Variants in DMRTC2 observed in about 807,000 individuals in gnomAD.
DMRTC2 encodes DMRT like family C2, also known as doublesex- and mab-3-related transcription factor C2.
Under a neutral mutation model 39.9 loss-of-function variants are expected in DMRTC2, and 13 were observed. That is an observed-to-expected ratio of 0.33 (90% CI 0.21 to 0.52). The LOEUF (loss-of-function observed/expected upper bound fraction) is 0.52. Ranked by LOEUF, DMRTC2 falls within the 20% of genes least tolerant of loss-of-function variation. The pLI is 0.96. For synonymous variants in DMRTC2, 189 were observed against 185.2 expected (o/e 1.02, Z -0.17); for missense variants, 431 against 472.8 (o/e 0.91, Z 0.82).
chr19:41,849,899 C>A (rs1015569170), intron 6 of DMRTC2, among the ~76,000 whole-genome samples: 1 of 152,086 alleles, frequency 6.6e-6, no homozygotes, highest in African/African-American at 2.4e-5. Context: ...AGTAACTGAG[C>A]GAGACTTCGT....
In DMRTC2 at chr19:41,850,570, G is replaced by A. The variant is rs782595745; in HGVS notation, c.861G>A (p.Glu287=). The change falls in exon 8 of 9, where the codon GAG becomes GAA. Residue 287 remains glutamate (E), a synonymous_variant. Transcript: ENST00000269945. ...SCLARTSGPS[E]WQLQQEAAEA... Reference sequence around the variant, plus strand: ...TGGCCCGGACATCTGGCCCCTCAGAGTGGCAGCTGCAGCAAGAGGCAGCTG... The same window carrying A: ...TGGCCCGGACATCTGGCCCCTCAGAATGGCAGCTGCAGCAAGAGGCAGCTG... 6 of 1,613,516 alleles carry A rather than the reference G, an allele frequency of 3.7e-6. No individual in the cohort carries two copies. The highest frequency in any genetic ancestry group is 3.3e-5 in the Admixed American group (2 of 59,948).
chr19:41,849,122 C>T lies in DMRTC2; in HGVS notation c.629-8C>T, dbSNP rs371867212. ...CCTATACACTCTGCATTCTTTTATT[C>T]TTATTAGGCTTTGACCCTGGCACCT... is the stretch of plus-strand genomic sequence containing the variant. On this transcript the variant is annotated splice_region_variant and splice_polypyrimidine_tract_variant and intron_variant, in intron 5 of 8. Coordinates refer to ENST00000269945, the MANE Select transcript of DMRTC2 (RefSeq NM_001040283.3). 93 of 1,613,950 alleles carry T rather than the reference C, an allele frequency of 5.8e-5. No individual in the cohort carries two copies. The highest frequency in any genetic ancestry group is 6.7e-5 in the African/African-American group (5 of 74,928).
intron 3 of DMRTC2, among the ~76,000 whole-genome samples, chr19:41,848,084 A>T (rs2073893154): frequency 6.6e-6 from 1 of 152,222 alleles, no homozygotes; most frequent in Non-Finnish European, 1.5e-5. Flanking sequence ...ACAGTGGCTC[A>T]CGCCTGTAAT....
intron 2 of DMRTC2, 39 bp from the exon 3 acceptor site, chr19:41,847,697 A>AG (rs782794659): frequency 4.2e-5 from 68 of 1,613,662 alleles, no homozygotes; most frequent in Non-Finnish European, 5.3e-5. Flanking sequence ...CCTCCTCCAA[A>AG]GGGTGGCTGA....
Position 41,850,542 on chromosome 19 carries a change from G to T in DMRTC2, c.833G>T (p.Cys278Phe). The T allele has an allele frequency of 1.9e-6, 3 of 1,612,806 alleles. No homozygotes were observed. The highest frequency in any genetic ancestry group is 2.5e-6 in the Non-Finnish European group (3 of 1,179,440). Residue 278 changes from cysteine to phenylalanine, a missense_variant, in exon 8 of 9, where the codon TGC becomes TTC. By Grantham distance (205) the Cys-to-Phe change is radical. Transcript: ENST00000269945. Reference protein sequence around the residue: ...QLQPQASGASCLARTSGPSEW... With the variant: ...QLQPQASGASFLARTSGPSEW... Reference sequence around the variant, plus strand: ...CCCTTGCAGGCCTCTGGAGCCTCGTGCCTGGCCCGGACATCTGGCCCCTCA... The same window carrying T: ...CCCTTGCAGGCCTCTGGAGCCTCGTTCCTGGCCCGGACATCTGGCCCCTCA...
At chr19:41,847,283 G>A in intron 1 of DMRTC2, 142 bp from the exon 2 acceptor site, 2 of 1,354,368 alleles carry the variant, frequency 1.5e-6, no homozygotes, top group Non-Finnish European at 1.9e-6. Context: ...GGTAAAGAGG[G>A]GAGAAAGCTG....
chr19:41,851,544 C>A, intron 8 of DMRTC2, 40 bp from the exon 9 acceptor site: 1 of 1,556,570 alleles, frequency 6.4e-7, no homozygotes, highest in Non-Finnish European at 8.8e-7. Flanking sequence ...GAAGGAAAAA[C>A]AGGTGTGACC....
At chr19:41,848,174 C>T (rs558727294) in intron 3 of DMRTC2, among the ~76,000 whole-genome samples, 1 of 152,224 alleles carries the variant, frequency 6.6e-6, no homozygotes, top group African/African-American at 2.4e-5. Context: ...GGTGAAACCC[C>T]GTCTCTACTA....
rs369306691 is a variant in DMRTC2, at chr19:41,851,815, CTTTT to C, written c.*122_*125del. On this transcript the variant is annotated 3_prime_UTR_variant, in exon 9 of 9. Transcript: ENST00000269945. ...AATTTAATGTAGTACAAGCTTCGGG[CTTTT>C]TTGTTTGTTTGTTTGTTTGTTTGTT... is the stretch of plus-strand genomic sequence containing the variant. The C allele has an allele frequency of 5.7e-3, 5,108 of 898,358 alleles. 174 individuals are homozygous for C. The African/African-American group carries it at 0.074, about 13-fold the overall frequency. The allele number at this position is 898,358 out of a possible 1,614,324, so 55.6% of individuals were successfully genotyped here.
chr19:41,845,969 G>A (rs549262673), intron 1 of DMRTC2, among the ~76,000 whole-genome samples: 3 of 151,726 alleles, frequency 2.0e-5, no homozygotes, highest in East Asian at 2.0e-4. Flanking sequence ...CCATGATCAC[G>A]CCACTGCGCT....
chr19:41,845,589 G>A (rs932026083), intron 1 of DMRTC2, among the ~76,000 whole-genome samples: 18 of 152,192 alleles, frequency 1.2e-4, no homozygotes, highest in African/African-American at 4.1e-4. Flanking sequence ...TTGGGAGGCC[G>A]AAGCAGGCAG....
chr19:41,851,731 G>GCTGTCACCTCCCTGCCATA lies in DMRTC2; in HGVS notation c.*35_*36insCTGTCACCTCCCTGCCATA. ...GATGGAGGCTGTCTTGCTATGGCAG[G>GCTGTCACCTCCCTGCCATA]GAGGTGACAGCCTGCTGGCACTGTA... On this transcript the variant is annotated 3_prime_UTR_variant, in exon 9 of 9. Coordinates refer to ENST00000269945, the MANE Select transcript of DMRTC2 (RefSeq NM_001040283.3). 2 of 1,577,270 alleles carry GCTGTCACCTCCCTGCCATA rather than the reference G, an allele frequency of 1.3e-6. No individual in the cohort carries two copies. The highest frequency in any genetic ancestry group is 1.7e-6 in the Non-Finnish European group (2 of 1,146,752).
chr19:41,849,303 G>A (rs782533304), intron 6 of DMRTC2, 47 bp downstream of exon 6: 6 of 1,601,480 alleles, frequency 3.7e-6, no homozygotes, highest in South Asian at 2.2e-5. Flanking sequence ...AGCCTGTGCT[G>A]TGTCCAACCA....
chr19:41,847,464 C>T lies in DMRTC2; in HGVS notation c.36C>T (p.Cys12=), dbSNP rs1189240672. The part of the protein sequence containing the change: ...EPSDMPAGYH[C]PLDSAPWDET... ...GTGACATGCCTGCTGGCTACCACTG[C>T]CCCTTAGACTCTGCCCCCTGGGATG... The change falls in exon 2 of 9, where the codon TGC becomes TGT. Residue 12 remains cysteine (C), a synonymous_variant. Coordinates refer to ENST00000269945, the MANE Select transcript of DMRTC2 (RefSeq NM_001040283.3). 1.3e-5 allele frequency: 21 copies of T among 1,594,862 alleles called. No homozygotes were observed. In the East Asian group the frequency reaches 4.7e-4, roughly 36 times the overall value.
chr19:41,845,606 T>A (rs2073817089), intron 1 of DMRTC2, among the ~76,000 whole-genome samples: 1 of 152,110 alleles, frequency 6.6e-6, no homozygotes, highest in African/African-American at 2.4e-5. Flanking sequence ...GCAGGTCGCT[T>A]GAGGCAGGTC....
In DMRTC2 at chr19:41,851,742, C is replaced by T. The variant is rs1555837463; in HGVS notation, c.*46C>T. 2.0e-5 allele frequency: 31 copies of T among 1,514,128 alleles called. No individual in the cohort carries two copies. The highest frequency in any genetic ancestry group is 2.7e-5 in the Non-Finnish European group (29 of 1,090,136). 93.8% of individuals were successfully genotyped at this position (1,514,128 alleles called of 1,614,324 possible). A position where few individuals can be genotyped will look rare whatever the true frequency, so the allele number is the denominator to read the frequency against. On this transcript the variant is annotated 3_prime_UTR_variant, in exon 9 of 9. Transcript: ENST00000269945. ...TCTTGCTATGGCAGGGAGGTGACAG[C>T]CTGCTGGCACTGTATATTTAGTGTC...
chr19:41,847,934 A>G (rs1236636480), intron 3 of DMRTC2, 53 bp downstream of exon 3: 1 of 1,535,618 alleles, frequency 6.5e-7, no homozygotes, highest in Non-Finnish European at 8.8e-7. Context: ...GGAGGCAGGT[A>G]TGGGAAAAAG....
chr19:41,848,443 C>T lies in DMRTC2; in HGVS notation c.371-9C>T, dbSNP rs782111873. On this transcript the variant is annotated splice_polypyrimidine_tract_variant and intron_variant, in intron 3 of 8. Transcript: ENST00000269945. ...AGGGCTCATTAGAGCTCTCCCTGGTCCTTCACAGCTGGAAAGGAGAACATA... is the reference window on the plus strand; with the variant it reads ...AGGGCTCATTAGAGCTCTCCCTGGTTCTTCACAGCTGGAAAGGAGAACATA... 6.3e-7 allele frequency: 1 copy of T among 1,596,714 alleles called. No individual in the cohort carries two copies. The highest frequency in any genetic ancestry group is 8.5e-7 in the Non-Finnish European group (1 of 1,171,562).
chr19:41,850,853 G>A, intron 8 of DMRTC2, 153 bp downstream of exon 8: 2 of 727,642 alleles, frequency 2.7e-6, no homozygotes, highest in Non-Finnish European at 2.1e-6. Context: ...TGGGATTGCA[G>A]TTGAGAGTTA....
Sources: gnomAD v4.1 joint callset for allele counts (sites outside exome capture counted in the v4.1 genomes callset) on GRCh38, gnomAD v4.1.1 for gene constraint, MANE v1.5 for transcripts, NCBI Gene and HGNC (gene_info 2026-07-23, HGNC 2026-07-21) for gene names.